TAF15: variants seen among roughly 807,000 people sequenced by gnomAD.
TAF15 encodes the protein TATA-box binding protein associated factor 15.
In TAF15, 37 loss-of-function variants were observed where a neutral mutation model predicts 102.5. The ratio of observed to expected loss-of-function variants is 0.36; its 90% CI spans 0.28 to 0.47. The LOEUF (loss-of-function observed/expected upper bound fraction) is 0.47, where lower values mean the gene tolerates loss of function less well. TAF15 is among the 20% of genes least tolerant of loss of function. The probability of loss-of-function intolerance (pLI) is 0.99; values close to 1 mark genes in which losing one functional copy is unlikely to be tolerated. For missense variants in TAF15, 652 were observed against 760.7 expected, an observed-to-expected ratio of 0.86 and a Z score of 1.68; for synonymous variants, 273 against 259.2, an observed-to-expected ratio of 1.05 and a Z score of -0.51.
At chr17:35,822,588 C>T in intron 5 of TAF15, 52 bp from the exon 6 acceptor site, 1 of 1,564,790 alleles carries the variant, frequency 6.4e-7, no homozygotes, top group Non-Finnish European at 8.7e-7. Context: ...CAACTTGCTA[C>T]AGCAAATGTA....
rs1366849899 is a variant in TAF15 at position 35,809,506 on chromosome 17, C to T, written c.-64C>T. 8 of 1,610,044 alleles carry T rather than the reference C, an allele frequency of 5.0e-6. No homozygotes were observed. The African/African-American group carries it at 5.3e-5, about 11-fold the overall frequency. Reference sequence around the variant, plus strand: ...CTCAGTACAGCTCCGGCCGCCGCGCCGCCTGGCTTTCGTATTCGTTGTTCT... The same window carrying T: ...CTCAGTACAGCTCCGGCCGCCGCGCTGCCTGGCTTTCGTATTCGTTGTTCT... On this transcript the variant is annotated 5_prime_UTR_variant, in exon 1 of 16. Transcript: ENST00000605844.
chr17:35,815,210 CAA>C (rs1310907342), intron 1 of TAF15, among the ~76,000 whole-genome samples: 2 of 152,044 alleles, frequency 1.3e-5, no homozygotes, highest in Non-Finnish European at 2.9e-5. Flanking sequence ...GGAAAAAACA[CAA>C]AGAGAATCAA....
chr17:35,844,932 C>G lies in TAF15; in HGVS notation c.1633C>G (p.Arg545Gly). 6.3e-7 allele frequency: 1 copy of G among 1,591,352 alleles called. No individual in the cohort carries two copies. Among genetic ancestry groups the G allele is most frequent in the South Asian group, 1.1e-5 (1 of 90,100 alleles). The change falls in exon 15 of 16, where the codon CGA (arginine) becomes GGA (glycine). Residue 545 changes from arginine (R) to glycine (G), a missense_variant. By Grantham distance (125) the Arg-to-Gly change is moderately radical. This residue lies in a region of TAF15 where 368 missense variants were observed against 367.5 expected (regional missense o/e 1.00). Transcript: ENST00000605844. ...RGGGSGYGGD[R>G]SGGYGGDRSG... ...TGGTGGCAGTGGCTACGGTGGAGAC[C>G]GAAGTGGAGGCTATGGAGGAGACAG...
At chr17:35,813,704 A>G (rs181422182) in intron 1 of TAF15, among the ~76,000 whole-genome samples, 1 of 145,878 alleles carries the variant, frequency 6.9e-6, no homozygotes, top group African/African-American at 2.5e-5. Flanking sequence ...ACATCTAATA[A>G]GAGATTGAGA....
intron 5 of TAF15, among the ~76,000 whole-genome samples, chr17:35,821,596 C>T (rs1394928212): frequency 2.0e-5 from 3 of 151,886 alleles, no homozygotes; most frequent in South Asian, 4.1e-4. Flanking sequence ...TTTTTGTCCC[C>T]CCCCAGCCCA....
chr17:35,821,426 A>G (rs1382729156), intron 5 of TAF15, among the ~76,000 whole-genome samples: 1 of 152,236 alleles, frequency 6.6e-6, no homozygotes, highest in Non-Finnish European at 1.5e-5. Context: ...GTCTGAAAAG[A>G]AATGTTAAGT....
chr17:35,840,102 C>T (rs2087525973), intron 11 of TAF15, among the ~76,000 whole-genome samples: 1 of 152,048 alleles, frequency 6.6e-6, no homozygotes, highest in South Asian at 2.1e-4. Flanking sequence ...TAGAGTAAGT[C>T]GCAGAGTCAG....
At chr17:35,835,557 C>T (rs2087463554) in intron 9 of TAF15, among the ~76,000 whole-genome samples, 1 of 152,242 alleles carries the variant, frequency 6.6e-6, no homozygotes, top group East Asian at 1.9e-4. Flanking sequence ...ATTATCCCTT[C>T]ATGGACTGAA....
At position 35,844,723 on chromosome 17, in the gene TAF15, G is replaced by C. The variant is rs1227979250; in HGVS notation, c.1424G>C (p.Arg475Pro). The change falls in exon 15 of 16, where the codon CGA (arginine) becomes CCA (proline). Residue 475 changes from arginine (R) to proline (P), a missense_variant. By Grantham distance (103) the Arg-to-Pro change is moderately radical. Around this residue, in one of 3 missense-constraint regions of TAF15, gnomAD observed 368 missense variants for 367.5 expected, o/e 1.00. Transcript: ENST00000605844. Reference protein sequence around the residue: ...GDRGGGYGGDRGGGYGGDRGG... With the variant: ...GDRGGGYGGDPGGGYGGDRGG... Reference sequence around the variant, plus strand: ...AGAGGAGGCGGCTATGGAGGAGACCGAGGAGGTGGCTATGGAGGAGATCGA... The same window carrying C: ...AGAGGAGGCGGCTATGGAGGAGACCCAGGAGGTGGCTATGGAGGAGATCGA... 2 of 1,599,884 alleles carry C rather than the reference G, an allele frequency of 1.3e-6. No individual in the cohort carries two copies. Among genetic ancestry groups the C allele is most frequent in the Non-Finnish European group, 1.7e-6 (2 of 1,172,566 alleles).
intron 10 of TAF15, among the ~76,000 whole-genome samples, chr17:35,836,542 T>C (rs1020395550): frequency 3.3e-4 from 50 of 152,228 alleles, no homozygotes; most frequent in Non-Finnish European, 2.9e-5. Flanking sequence ...GAACATTTTA[T>C]AGACTGAAAT....
At position 35,820,187 on chromosome 17, in the gene TAF15, G is replaced by A. The variant is rs199888229; in HGVS notation, c.123G>A (p.Thr41=). 1.1e-4 allele frequency: 184 copies of A among 1,614,072 alleles called. 1 individual carries two copies. Among genetic ancestry groups the A allele is most frequent in the Admixed American group, 1.8e-4 (11 of 60,018 alleles). ...AGAGCTATTCTGGCTATGGGCAAAC[G>A]ACTGATTCCTCTTATGGACAGAACT... ...ASQSYSGYGQ[T]TDSSYGQNYS... is the part of the protein sequence containing the mutation. Residue 41 remains threonine, a synonymous_variant, in exon 4 of 16, where the codon ACG becomes ACA. Transcript: ENST00000605844.
chr17:35,813,173 T>A (rs2087147619), intron 1 of TAF15, among the ~76,000 whole-genome samples: 1 of 150,552 alleles, frequency 6.6e-6, no homozygotes, highest in Non-Finnish European at 1.5e-5. Context: ...CCACATAGAT[T>A]TGAAAAAGAA....
At chr17:35,828,917 G>C (rs1275673675) in intron 7 of TAF15, among the ~76,000 whole-genome samples, 1 of 152,154 alleles carries the variant, frequency 6.6e-6, no homozygotes, top group Non-Finnish European at 1.5e-5. Context: ...TGTAGGTAGT[G>C]GATACTGTAT....
intron 5 of TAF15, among the ~76,000 whole-genome samples, chr17:35,821,672 C>T (rs977577120): frequency 9.2e-5 from 14 of 152,010 alleles, no homozygotes; most frequent in African/African-American, 3.4e-4. Flanking sequence ...ACATTCCCAC[C>T]CTGAGAGCAT....
At chr17:35,827,861 T>G (rs537893376) in intron 7 of TAF15, among the ~76,000 whole-genome samples, 60 of 152,304 alleles carry the variant, frequency 3.9e-4, no homozygotes, top group Admixed American at 9.1e-4. Flanking sequence ...GAAAGAGAGA[T>G]AAATCTGTGA....
At chr17:35,845,715 T>C (rs2143838971) in intron 15 of TAF15, among the ~76,000 whole-genome samples, 1 of 152,250 alleles carries the variant, frequency 6.6e-6, no homozygotes. Flanking sequence ...TTCACCATGT[T>C]AGACCTCGTG....
intron 10 of TAF15, among the ~76,000 whole-genome samples, chr17:35,837,447 A>AGG (rs2087489765): frequency 6.6e-6 from 1 of 150,800 alleles, no homozygotes; most frequent in Admixed American, 6.6e-5. Flanking sequence ...GTGATCCACC[A>AGG]TGCCTGGCCT....
chr17:35,811,661 C>G (rs978168222), intron 1 of TAF15: 1 of 152,144 alleles, frequency 6.6e-6, no homozygotes, highest in African/African-American at 2.4e-5. Context: ...ATCAAATTGA[C>G]TCAACCACTC....
chr17:35,843,202 C>T (rs2087568180), intron 12 of TAF15, among the ~76,000 whole-genome samples: 1 of 152,006 alleles, frequency 6.6e-6, no homozygotes, highest in Admixed American at 6.6e-5. Flanking sequence ...TGGCTCACCG[C>T]AACCTCTCCC....
Sources: gnomAD v4.1 joint callset for allele counts (sites outside exome capture counted in the v4.1 genomes callset) on GRCh38, gnomAD v4.1.1 for gene constraint, gnomAD v4.1.1 regional missense constraint, MANE v1.5 for transcripts, NCBI Gene and HGNC (gene_info 2026-07-23, HGNC 2026-07-21) for gene names.